ARHGAP6: variants seen among roughly 807,000 people sequenced by gnomAD.
The protein encoded by ARHGAP6 is rho GTPase-activating protein 6.
In ARHGAP6, 16 loss-of-function variants were observed where a neutral mutation model predicts 55.7. That is an observed-to-expected ratio of 0.29 (90% CI 0.19 to 0.44). The LOEUF (loss-of-function observed/expected upper bound fraction) is 0.44, where lower values mean the gene tolerates loss of function less well. Among genes scored for constraint, ARHGAP6 ranks in the 20% least tolerant of loss-of-function variants. ARHGAP6 has a pLI of 1.00. For missense variants in ARHGAP6, 698 were observed against 808.9 expected, an observed-to-expected ratio of 0.86 and a Z score of 1.66; for synonymous variants, 382 against 360.9, an observed-to-expected ratio of 1.06 and a Z score of -0.66.
chrX:11,470,915 C>A (rs1486223700), intron 1 of ARHGAP6, among the ~76,000 whole-genome samples: 3 of 111,745 alleles, frequency 2.7e-5, no homozygotes, highest in Non-Finnish European at 3.8e-5. Flanking sequence ...CCTTGCAAAC[C>A]TGGAAACAGC....
intron 2 of ARHGAP6, among the ~76,000 whole-genome samples, chrX:11,206,473 G>T (rs1471615299): frequency 9.0e-6 from 1 of 111,612 alleles, no homozygotes; most frequent in Admixed American, 9.6e-5. Context: ...AAAGCACTGG[G>T]CACGAGGCTG....
intron 1 of ARHGAP6, among the ~76,000 whole-genome samples, chrX:11,482,039 C>T (rs1360511025): frequency 1.8e-5 from 2 of 112,505 alleles, no homozygotes; most frequent in Non-Finnish European, 3.7e-5. Flanking sequence ...GTTGCAGGAG[C>T]CCAGTGTTCT....
intron 1 of ARHGAP6, among the ~76,000 whole-genome samples, chrX:11,441,259 T>C (rs1482546374): frequency 8.9e-6 from 1 of 111,777 alleles, no homozygotes; most frequent in Non-Finnish European, 1.9e-5. Flanking sequence ...CAGAACTCTC[T>C]AATTTGGTTT....
At chrX:11,608,745 GT>G (rs2052065761) in intron 1 of ARHGAP6, among the ~76,000 whole-genome samples, 1 of 111,668 alleles carries the variant, frequency 9.0e-6, no homozygotes, top group Non-Finnish European at 1.9e-5. Context: ...AGATCTGATG[GT>G]TTTATCAGGG....
intron 1 of ARHGAP6, among the ~76,000 whole-genome samples, chrX:11,388,799 AG>A (rs1426253986): frequency 8.9e-6 from 1 of 112,054 alleles, no homozygotes; most frequent in Admixed American, 9.5e-5. Flanking sequence ...AACTCAGAAA[AG>A]GAAGTGGGGA....
At chrX:11,220,772 A>G (rs1441983088) in intron 2 of ARHGAP6, among the ~76,000 whole-genome samples, 1 of 109,477 alleles carries the variant, frequency 9.1e-6, no homozygotes, top group Non-Finnish European at 1.9e-5. Flanking sequence ...GATCAAATTC[A>G]CACATAACAA....
At chrX:11,362,097 C>T (rs1023463816) in intron 1 of ARHGAP6, among the ~76,000 whole-genome samples, 17 of 111,776 alleles carry the variant, frequency 1.5e-4, no homozygotes, top group Admixed American at 3.8e-4. Context: ...GTCAGTGTGG[C>T]GATTCCTCAG....
chrX:11,584,432 T>A (rs1007385482), intron 1 of ARHGAP6, among the ~76,000 whole-genome samples: 2 of 111,497 alleles, frequency 1.8e-5, no homozygotes, highest in Admixed American at 1.9e-4. Context: ...CAGATCTAAT[T>A]TGCCAAGTAT....
intron 1 of ARHGAP6, among the ~76,000 whole-genome samples, chrX:11,504,158 C>T (rs1421778521): frequency 9.0e-6 from 1 of 111,616 alleles, no homozygotes; most frequent in Non-Finnish European, 1.9e-5. Flanking sequence ...TTTCAGGACT[C>T]CAGTGACATC....
chrX:11,266,069 G>A, intron 1 of ARHGAP6: 1 of 360,931 alleles, frequency 2.8e-6, no homozygotes, highest in South Asian at 1.1e-4. Context: ...GTGTGTGTGT[G>A]TGTGAGAGAG....
Position 11,527,316 on chromosome X carries a change from C to T in ARHGAP6, c.588+136925G>A, listed in dbSNP as rs58284090. 8.2e-3 allele frequency among the ~76,000 whole-genome samples: 912 copies of T among 111,669 alleles called. 14 individuals carry two copies. Among genetic ancestry groups the T allele is most frequent in the African/African-American group, 0.028 (862 of 30,753 alleles). On this transcript the variant is annotated intron_variant, in intron 1 of 12. Coordinates refer to ENST00000337414, the MANE Select transcript of ARHGAP6 (RefSeq NM_013427.3). The stretch of plus-strand genomic sequence containing the variant: ...GATATATGTATAAAGATTTCAAATA[C>T]GAATTAACCAATTGTTGCCAGGCAC...
At chrX:11,557,205 C>T (rs939748090) in intron 1 of ARHGAP6, among the ~76,000 whole-genome samples, 1 of 112,029 alleles carries the variant, frequency 8.9e-6, no homozygotes, top group African/African-American at 3.2e-5. Flanking sequence ...AATCCTATCA[C>T]CCATGTAAAA....
At chrX:11,241,847 G>T (rs1344620432) in intron 2 of ARHGAP6, among the ~76,000 whole-genome samples, 1 of 111,415 alleles carries the variant, frequency 9.0e-6, no homozygotes, top group African/African-American at 3.3e-5. Context: ...CCCTGGAGAA[G>T]AAAATGTTTT....
In ARHGAP6 at chrX:11,313,125, G is replaced by A. The variant is rs755672196; in HGVS notation, c.589-58418C>T. Among the ~76,000 whole-genome samples the A allele has an allele frequency of 2.7e-5, 3 of 112,653 alleles. No homozygotes were observed. The East Asian group carries it at 8.4e-4, about 31-fold the overall frequency. ...TTTACAATGAGGAAGTGAGTGAAGA[G>A]AGGTTAGAACATGCTCAACTTTACT... On this transcript the variant is annotated intron_variant, in intron 1 of 12. Transcript: ENST00000337414.
chrX:11,333,514 C>T (rs775803978), intron 1 of ARHGAP6, among the ~76,000 whole-genome samples: 2 of 111,903 alleles, frequency 1.8e-5, no homozygotes, highest in South Asian at 7.5e-4. Context: ...TCCAGTATGC[C>T]TTTATTAGCA....
At chrX:11,650,615 C>T (rs981921129) in intron 1 of ARHGAP6, among the ~76,000 whole-genome samples, 1 of 112,318 alleles carries the variant, frequency 8.9e-6, no homozygotes, top group African/African-American at 3.2e-5. Flanking sequence ...AAACTTGTAA[C>T]TCTGAATAAC....
intron 1 of ARHGAP6, among the ~76,000 whole-genome samples, chrX:11,524,812 T>G (rs1313129086): frequency 4.5e-5 from 5 of 111,317 alleles, no homozygotes; most frequent in Admixed American, 2.9e-4. Flanking sequence ...ATTATACAAC[T>G]CACCGTAATG....
chrX:11,540,272 GAAAAA>G (rs374291177), intron 1 of ARHGAP6, among the ~76,000 whole-genome samples: 3 of 62,882 alleles, frequency 4.8e-5, no homozygotes, highest in Non-Finnish European at 9.5e-5. Context: ...AAAAGGAAAA[GAAAAA>G]AAAAAAAAAA....
At chrX:11,504,722 G>T (rs927462039) in intron 1 of ARHGAP6, among the ~76,000 whole-genome samples, 1 of 112,019 alleles carries the variant, frequency 8.9e-6, no homozygotes, top group African/African-American at 3.2e-5. Context: ...TGAGACTGAA[G>T]AGACACACAG....
Sources: gnomAD v4.1 joint callset for allele counts (sites outside exome capture counted in the v4.1 genomes callset) on GRCh38, gnomAD v4.1.1 for gene constraint, MANE v1.5 for transcripts, NCBI Gene and HGNC (gene_info 2026-07-23, HGNC 2026-07-21) for gene names.